The following DPYSL2 variants were observed in gnomAD, a reference collection of about 807,000 sequenced individuals.
DPYSL2 encodes the protein dihydropyrimidinase like 2.
In DPYSL2, 13 loss-of-function variants were observed where a neutral mutation model predicts 69.9. The observed-to-expected ratio is 0.19, with a 90% CI of 0.12 to 0.30. The LOEUF (loss-of-function observed/expected upper bound fraction) is 0.30, where lower values mean the gene tolerates loss of function less well. DPYSL2 is among the 10% of genes least tolerant of loss of function. DPYSL2 has a pLI of 1.00. For missense variants in DPYSL2, 587 were observed against 918.9 expected, an observed-to-expected ratio of 0.64 and a Z score of 4.67; for synonymous variants, 326 against 359.1, an observed-to-expected ratio of 0.91 and a Z score of 1.04.
At position 26,605,378 on chromosome 8, in the gene DPYSL2, C is replaced by T. The variant is rs1354039343; in HGVS notation, c.629-18765C>T. 1.3e-5 allele frequency among the ~76,000 whole-genome samples: 2 copies of T among 152,012 alleles called. No individual in the cohort carries two copies. Among genetic ancestry groups the T allele is most frequent in the East Asian group, 1.9e-4 (1 of 5,186 alleles). On this transcript the variant is annotated intron_variant, in intron 3 of 13. Transcript: ENST00000521913. The surrounding 1 kb of genome is among the most constrained non-coding windows in gnomAD (Gnocchi z 4.1). ...TCGGCTCACTGCAACCTCCAGCTCC[C>T]GGGTTCAAGTGATTCTCTTGCCTCA...
chr8:26,547,189 C>A (rs986313464), intron 1 of DPYSL2, among the ~76,000 whole-genome samples: 7 of 151,726 alleles, frequency 4.6e-5, no homozygotes, highest in Admixed American at 1.3e-4. Context: ...GTGGCGAAAT[C>A]CTGTCTCTAC....
rs563962555 is a variant in DPYSL2, at chr8:26,517,956, T to G, written c.354+3277T>G. Among the ~76,000 whole-genome samples, 67 of 152,300 alleles carry G rather than the reference T, an allele frequency of 4.4e-4. No homozygotes were observed. The highest frequency in any genetic ancestry group is 1.5e-3 in the African/African-American group (62 of 41,566). ...TCTAACTGTACAACGTCATCCCTAC[T>G]CCATCCCCATAGCATGCCCCTTCTA... is the stretch of plus-strand genomic sequence containing the variant. On this transcript the variant is annotated intron_variant, in intron 1 of 13. Transcript: ENST00000521913. The surrounding 1 kb of genome is among the most constrained non-coding windows in gnomAD (Gnocchi z 4.2).
In DPYSL2 at chr8:26,626,935, C is replaced by G. The variant is rs1182670647; in HGVS notation, c.855+257C>G. Among the ~76,000 whole-genome samples the G allele has an allele frequency of 6.6e-6, 1 of 152,190 alleles. No homozygotes were observed. Among genetic ancestry groups the G allele is most frequent in the African/African-American group, 2.4e-5 (1 of 41,450 alleles). ...GTGTGGGAGCGGCACTCAGAACCTCCTTAGCAAACCTGGTGCAGAGCCAGG... is the reference window on the plus strand; with the variant it reads ...GTGTGGGAGCGGCACTCAGAACCTCGTTAGCAAACCTGGTGCAGAGCCAGG... On this transcript the variant is annotated intron_variant, in intron 5 of 13. Transcript: ENST00000521913. The surrounding 1 kb of genome is among the most constrained non-coding windows in gnomAD (Gnocchi z 4.3).
Position 26,610,422 on chromosome 8 carries a change from C to A in DPYSL2, c.629-13721C>A, listed in dbSNP as rs1487581836. On this transcript the variant is annotated intron_variant, in intron 3 of 13. Coordinates refer to ENST00000521913, the MANE Select transcript of DPYSL2 (RefSeq NM_001197293.3). The surrounding 1 kb of genome is among the most constrained non-coding windows in gnomAD (Gnocchi z 4.5). Reference sequence around the variant, plus strand: ...CTGTTGACAGAGGGTCTCTATGCTTCTTCCTTTTCTAGCATTTACTCTTAT... The same window carrying A: ...CTGTTGACAGAGGGTCTCTATGCTTATTCCTTTTCTAGCATTTACTCTTAT... Among the ~76,000 whole-genome samples, 1 of 152,196 alleles carries A rather than the reference C, an allele frequency of 6.6e-6. No homozygotes were observed. The highest frequency in any genetic ancestry group is 2.4e-5 in the African/African-American group (1 of 41,432).
intron 3 of DPYSL2, chr8:26,623,711 C>G: frequency 6.3e-6 from 1 of 159,662 alleles, no homozygotes; most frequent in Non-Finnish European, 1.4e-5. Context: ...TTTTGAAAGG[C>G]CCGGTCCGTG....
intron 8 of DPYSL2, among the ~76,000 whole-genome samples, chr8:26,636,231 A>G (rs1802912469): frequency 6.6e-6 from 1 of 152,156 alleles, no homozygotes; most frequent in Non-Finnish European, 1.5e-5. Context: ...TTTCTAGGAG[A>G]TATTGTGGAT....
In DPYSL2 at chr8:26,573,397, G is replaced by A. The variant is rs567613629; in HGVS notation, c.355-8572G>A. 5.3e-4 allele frequency among the ~76,000 whole-genome samples: 81 copies of A among 152,000 alleles called. No individual in the cohort carries two copies. The South Asian group carries it at 0.016, about 31-fold the overall frequency. ...AAAGTACCTGGGCGTGGCCGGGCGC[G>A]GTGGCTCACGCCTGTAATCCCAGCA... On this transcript the variant is annotated intron_variant, in intron 1 of 13. Transcript: ENST00000521913.
intron 7 of DPYSL2, among the ~76,000 whole-genome samples, chr8:26,629,964 C>T (rs1339243202): frequency 7.4e-6 from 1 of 135,634 alleles, no homozygotes; most frequent in Non-Finnish European, 1.7e-5. Context: ...CGTGCACACA[C>T]TCACGTTCAC....
chr8:26,609,004 G>A lies in DPYSL2; in HGVS notation c.629-15139G>A, dbSNP rs191369930. ...CTGAGTTTAGTTTCAATCCAACAGC[G>A]GATCTGTTTTTTTACTCCATGTAAT... is the stretch of plus-strand genomic sequence containing the variant. On this transcript the variant is annotated intron_variant, in intron 3 of 13. Transcript: ENST00000521913. This position sits in a 1 kb window ranked among gnomAD's most constrained non-coding sequence, Gnocchi z 6.5. 1.1e-3 allele frequency among the ~76,000 whole-genome samples: 170 copies of A among 152,256 alleles called. No individual in the cohort carries two copies. Among genetic ancestry groups the A allele is most frequent in the Non-Finnish European group, 1.6e-3 (111 of 68,004 alleles).
At chr8:26,613,039 C>T (rs902000847) in intron 3 of DPYSL2, among the ~76,000 whole-genome samples, 2 of 152,202 alleles carry the variant, frequency 1.3e-5, no homozygotes, top group Non-Finnish European at 2.9e-5. Flanking sequence ...GATATTATTG[C>T]TATTCAATAA....
chr8:26,554,087 A>G (rs1052450940), intron 1 of DPYSL2, among the ~76,000 whole-genome samples: 1 of 151,748 alleles, frequency 6.6e-6, no homozygotes, highest in Admixed American at 6.6e-5. Flanking sequence ...ATGGGGTTTC[A>G]CCATCTTGGC....
At chr8:26,566,840 T>C (rs920401576) in intron 1 of DPYSL2, among the ~76,000 whole-genome samples, 1 of 152,154 alleles carries the variant, frequency 6.6e-6, no homozygotes, top group Non-Finnish European at 1.5e-5. Context: ...CATCTATCCA[T>C]TGTGCACCCG....
chr8:26,550,212 T>C, intron 1 of DPYSL2, among the ~76,000 whole-genome samples: 1 of 152,194 alleles, frequency 6.6e-6, no homozygotes, highest in East Asian at 1.9e-4. Context: ...AGTGGTATAG[T>C]GTAATTTGAA....
intron 1 of DPYSL2, among the ~76,000 whole-genome samples, chr8:26,556,338 AGT>A (rs1563385421): frequency 1.3e-4 from 3 of 22,612 alleles, no homozygotes; most frequent in African/African-American, 3.0e-4. Flanking sequence ...GTATATATAT[AGT>A]ATATATATAT....
intron 13 of DPYSL2, 63 bp from the exon 14 acceptor site, chr8:26,655,552 A>C: frequency 1.4e-6 from 2 of 1,400,238 alleles, no homozygotes; most frequent in Non-Finnish European, 1.9e-6. Flanking sequence ...TTTCACCTTC[A>C]AGCAGGATCT....
chr8:26,519,846 C>G (rs1808356918), intron 1 of DPYSL2, among the ~76,000 whole-genome samples: 1 of 151,982 alleles, frequency 6.6e-6, no homozygotes, highest in South Asian at 2.1e-4. Flanking sequence ...GTGCTAAATG[C>G]TTGGTATGGA....
chr8:26,539,247 G>A (rs1019083062), intron 1 of DPYSL2, among the ~76,000 whole-genome samples: 9 of 152,060 alleles, frequency 5.9e-5, no homozygotes, highest in African/African-American at 1.9e-4. Context: ...TTAGCTTATG[G>A]GTACAGAACC....
chr8:26,525,352 T>A (rs1023967777), intron 1 of DPYSL2, among the ~76,000 whole-genome samples: 3 of 152,132 alleles, frequency 2.0e-5, no homozygotes, highest in African/African-American at 7.2e-5. Context: ...TGCTGAGTAG[T>A]TGGGACTACA....
intron 7 of DPYSL2, among the ~76,000 whole-genome samples, chr8:26,630,423 C>T (rs1802742977): frequency 6.6e-6 from 1 of 152,042 alleles, no homozygotes; most frequent in Non-Finnish European, 1.5e-5. Context: ...CTGAAACAGT[C>T]TTGGGATTGG....
Sources: gnomAD v4.1 joint callset for allele counts (sites outside exome capture counted in the v4.1 genomes callset) on GRCh38, gnomAD v4.1.1 for gene constraint, Gnocchi (gnomAD v3.1) non-coding constraint, MANE v1.5 for transcripts, NCBI Gene and HGNC (gene_info 2026-07-23, HGNC 2026-07-21) for gene names.